CDT1: variants seen among roughly 807,000 people sequenced by gnomAD.
The protein encoded by CDT1 is chromatin licensing and DNA replication factor 1, also known as DNA replication factor Cdt1.
A neutral mutation model predicts 49.3 loss-of-function variants in CDT1; 66 were observed. The ratio of observed to expected loss-of-function variants is 1.34; its 90% CI spans 1.10 to 1.64. The LOEUF (loss-of-function observed/expected upper bound fraction) is 1.64. Ranked by LOEUF, CDT1 falls within the 40% of genes most tolerant of loss-of-function variation. The pLI, the probability that CDT1 is intolerant of heterozygous loss-of-function variation, is 0.00. For synonymous variants in CDT1, 424 were observed against 347.4 expected, an observed-to-expected ratio of 1.22 and a Z score of -2.45; for missense variants, 958 against 807.7, an observed-to-expected ratio of 1.19 and a Z score of -2.26.
Position 88,806,608 on chromosome 16 carries a change from C to G in CDT1, c.1056C>G (p.Pro352=). 1.2e-6 allele frequency: 2 copies of G among 1,611,362 alleles called. No individual in the cohort carries two copies. The highest frequency in any genetic ancestry group is 1.7e-6 in the Non-Finnish European group (2 of 1,179,556). The part of the protein sequence containing the change: ...DIEPAALPQP[P]ATEKLTTAQE... ...AGCCGGCCGCGCTGCCCCAGCCACC[C>G]GCCACGGAGAAGCTCACCACTGCTC... Residue 352 remains proline, a synonymous_variant, in exon 7 of 10, where the codon CCC becomes CCG. Transcript: ENST00000301019.
Position 88,805,648 on chromosome 16 carries a change from G to T in CDT1, c.686+11G>T, listed in dbSNP as rs374891839. On this transcript the variant is annotated intron_variant, in intron 4 of 9. Coordinates refer to ENST00000301019, the MANE Select transcript of CDT1 (RefSeq NM_030928.4). ...GGACATGATGCGTAGGTGAGTGGCC[G>T]GGGGTGGGCTGTGGCTGTCCTGGAG... 2 of 1,612,554 alleles carry T rather than the reference G, an allele frequency of 1.2e-6. No individual in the cohort carries two copies. Among genetic ancestry groups the T allele is most frequent in the South Asian group, 2.2e-5 (2 of 91,074 alleles).
chr16:88,804,755 C>T lies in CDT1; in HGVS notation c.352-7C>T, dbSNP rs760605287. The T allele has an allele frequency of 1.2e-6, 2 of 1,612,860 alleles. No homozygotes were observed. Among genetic ancestry groups the T allele is most frequent in the South Asian group, 1.1e-5 (1 of 91,088 alleles). On this transcript the variant is annotated splice_region_variant and splice_polypyrimidine_tract_variant and intron_variant, in intron 2 of 9. Transcript: ENST00000301019. ...TGACGGCACCGTGTCCCCTGATCCCCCTGAAGGACACCATCTCTGAGCTTG... is the reference window on the plus strand; with the variant it reads ...TGACGGCACCGTGTCCCCTGATCCCTCTGAAGGACACCATCTCTGAGCTTG...
chr16:88,806,290 T>C lies in CDT1; in HGVS notation c.933+169T>C, dbSNP rs116411825. On this transcript the variant is annotated intron_variant, in intron 6 of 9. Transcript: ENST00000301019. ...GTGCTCAGGGTGCAGCCGCAGGCAC[T>C]GAGGAGGTCCCCAAGGCGTTCAGCG... 1,407 of 963,738 alleles carry C rather than the reference T, an allele frequency of 1.5e-3. 13 individuals carry two copies. In the African/African-American group the frequency reaches 0.02, roughly 14 times the overall value. 59.7% of individuals were successfully genotyped at this position (963,738 alleles called of 1,614,324 possible). A position where few individuals can be genotyped will look rare whatever the true frequency, so the allele number is the denominator to read the frequency against.
At chr16:88,805,037 C>T in intron 3 of CDT1, 139 bp downstream of exon 3, 1 of 1,218,062 alleles carries the variant, frequency 8.2e-7, no homozygotes, top group South Asian at 1.6e-5. Flanking sequence ...CGGACCCAGA[C>T]CCCTGAGAAA....
chr16:88,805,831 C>G lies in CDT1; in HGVS notation c.794C>G (p.Ser265Ter). ...ACCTTCAAGGATGGCACCAGGAGGT[C>G]AGATTACCAGCTCACCATCGAGCCA... is the stretch of plus-strand genomic sequence containing the variant. ...VPTFKDGTRR[S>*]DYQLTIEPLL... is the part of the protein sequence containing the mutation. Residue 265 changes from serine to a stop codon, truncating the protein, a stop_gained, in exon 5 of 10, where the codon TCA becomes TGA. Transcript: ENST00000301019. LOFTEE classifies it high-confidence loss of function. 6.2e-7 allele frequency: 1 copy of G among 1,613,080 alleles called. No individual in the cohort carries two copies. Among genetic ancestry groups the G allele is most frequent in the Non-Finnish European group, 8.5e-7 (1 of 1,179,980 alleles).
rs765712837 is a variant in CDT1, at chr16:88,803,796, C to G, written c.-36C>G. 1.6e-5 allele frequency: 23 copies of G among 1,481,992 alleles called. No homozygotes were observed. The South Asian group carries it at 2.4e-4, about 16-fold the overall frequency. The allele number at this position is 1,481,992 out of a possible 1,614,324, so 91.8% of individuals were successfully genotyped here. A position where few individuals can be genotyped will look rare whatever the true frequency, so the allele number is the denominator to read the frequency against. On this transcript the variant is annotated 5_prime_UTR_variant, in exon 1 of 10. Transcript: ENST00000301019. ...AACCGCGCCCGCCTCTTCCTCCCTT[C>G]CTTCTTTCCTTGCTTTCGCCGCGCA...
rs147045046 is a variant in CDT1, at chr16:88,805,842, C to T, written c.805C>T (p.Leu269Phe). ...TGGCACCAGGAGGTCAGATTACCAG[C>T]TCACCATCGAGCCACTGCTGGAGCA... ...KDGTRRSDYQ[L>F]TIEPLLEQEA... Residue 269 changes from leucine to phenylalanine, a missense_variant, in exon 5 of 10, where the codon CTC (leucine) becomes TTC (phenylalanine). Coordinates refer to ENST00000301019, the MANE Select transcript of CDT1 (RefSeq NM_030928.4). 8 of 1,612,872 alleles carry T rather than the reference C, an allele frequency of 5.0e-6. No homozygotes were observed. Among genetic ancestry groups the T allele is most frequent in the African/African-American group, 4.0e-5 (3 of 74,938 alleles).
At chr16:88,805,003 G>T in intron 3 of CDT1, 105 bp downstream of exon 3, 3 of 1,446,944 alleles carry the variant, frequency 2.1e-6, no homozygotes, top group Non-Finnish European at 2.8e-6. Context: ...TTCCAGGGAG[G>T]GTGGTGGTGA....
At chr16:88,807,634 C>T (rs1374913161) in intron 9 of CDT1, 152 bp downstream of exon 9, 15 of 815,556 alleles carry the variant, frequency 1.8e-5, no homozygotes, top group South Asian at 5.1e-5. Context: ...GTGTCCTGGG[C>T]GCTCTGCCCT....
chr16:88,808,478 G>A lies in CDT1; in HGVS notation c.*200G>A. On this transcript the variant is annotated 3_prime_UTR_variant, in exon 10 of 10. Coordinates refer to ENST00000301019, the MANE Select transcript of CDT1 (RefSeq NM_030928.4). ...GTGGGCCCCTTCATGGGGCTCACCT[G>A]GTGGATTCACATTAAACCGGTTTCT... 1 of 621,166 alleles carries A rather than the reference G, an allele frequency of 1.6e-6. No individual in the cohort carries two copies. The allele number at this position is 621,166 out of a possible 1,614,324, so 38.5% of individuals were successfully genotyped here.
In CDT1 at chr16:88,807,285, G is replaced by A. The variant is rs769020559; in HGVS notation, c.1280G>A (p.Arg427Gln). 1.2e-5 allele frequency: 19 copies of A among 1,611,962 alleles called. No individual in the cohort carries two copies. Among genetic ancestry groups the A allele is most frequent in the African/African-American group, 4.0e-5 (3 of 75,040 alleles). ...GVSQDLLERIRAKEAQKQLAQ... is the reference protein window; with the variant it reads ...GVSQDLLERIQAKEAQKQLAQ... ...AGGTCCCGGTACCTGCTGCAGATCC[G>A]AGCCAAGGAGGCACAGAAGCAGCTG... Residue 427 changes from arginine to glutamine, a missense_variant, in exon 9 of 10, where the codon CGA becomes CAA. By Grantham distance (43) the Arg-to-Gln change is conservative. Transcript: ENST00000301019.
rs943760578 is a variant in CDT1 at position 88,807,056 on chromosome 16, G to A, written c.1128G>A (p.Glu376=). ...CCAACCTGTCCCTCCCGCAGATGGAGAAGGCCTTGAGTCAATTGGCCCTGC... is the reference window on the plus strand; with the variant it reads ...CCAACCTGTCCCTCCCGCAGATGGAAAAGGCCTTGAGTCAATTGGCCCTGC... The part of the protein sequence containing the change: ...RARNLISPRM[E]KALSQLALRS... Residue 376 remains glutamate, a synonymous_variant, in exon 8 of 10, where the codon GAG becomes GAA. Coordinates refer to ENST00000301019, the MANE Select transcript of CDT1 (RefSeq NM_030928.4). 2 of 1,612,902 alleles carry A rather than the reference G, an allele frequency of 1.2e-6. No homozygotes were observed. Among genetic ancestry groups the A allele is most frequent in the African/African-American group, 1.3e-5 (1 of 75,056 alleles).
chr16:88,805,570 C>T lies in CDT1; in HGVS notation c.619C>T (p.Leu207Phe), dbSNP rs758197391. The change falls in exon 4 of 10, where the codon CTC becomes TTC. Residue 207 changes from leucine (L) to phenylalanine (F), a missense_variant. Leu to Phe is a conservative substitution (Grantham distance 22). Coordinates refer to ENST00000301019, the MANE Select transcript of CDT1 (RefSeq NM_030928.4). ...CAGCATGGACACCATCGTGGGCATG[C>T]TCCACAACCGCTCCGAGACGCCCAC... The part of the protein sequence containing the change: ...FRSMDTIVGM[L>F]HNRSETPTFA... 1 of 1,612,912 alleles carries T rather than the reference C, an allele frequency of 6.2e-7. No individual in the cohort carries two copies. Among genetic ancestry groups the T allele is most frequent in the Non-Finnish European group, 8.5e-7 (1 of 1,179,982 alleles).
intron 6 of CDT1, 143 bp downstream of exon 6, chr16:88,806,264 T>G (rs935937949): frequency 9.9e-7 from 1 of 1,012,926 alleles, no homozygotes; most frequent in Non-Finnish European, 1.5e-6. Context: ...TGAGGGCTGG[T>G]GTGCTCAGGG....
Position 88,803,983 on chromosome 16 carries a change from C to G in CDT1, c.152C>G (p.Ala51Gly). The G allele has an allele frequency of 7.0e-7, 1 of 1,430,866 alleles. No homozygotes were observed. The highest frequency in any genetic ancestry group is 1.4e-5 in the South Asian group (1 of 72,464). 88.6% of individuals were successfully genotyped at this position (1,430,866 alleles called of 1,614,324 possible). A position where few individuals can be genotyped will look rare whatever the true frequency, so the allele number is the denominator to read the frequency against. ...GCTACCAGTGGCAGCCGCAAGCGCGCCCGCCCGCCCGCCGCCCCCGGACGC... is the reference window on the plus strand; with the variant it reads ...GCTACCAGTGGCAGCCGCAAGCGCGGCCGCCCGCCCGCCGCCCCCGGACGC... The part of the protein sequence containing the change: ...ASATSGSRKR[A>G]RPPAAPGRDQ... The change falls in exon 1 of 10, where the codon GCC (alanine) becomes GGC (glycine). Residue 51 changes from alanine (A) to glycine (G), a missense_variant. Ala to Gly is a moderately conservative substitution (Grantham distance 60). Transcript: ENST00000301019.
At position 88,806,560 on chromosome 16, in the gene CDT1, C is replaced by T. The variant is rs778195622; in HGVS notation, c.1008C>T (p.Asn336=). The part of the protein sequence containing the change: ...DQLTRWHPRF[N]VDEVPDIEPA... ...TGACCCGCTGGCACCCGCGCTTCAA[C>T]GTGGATGAAGTACCCGACATCGAGC... Residue 336 remains asparagine, a synonymous_variant, in exon 7 of 10, where the codon AAC becomes AAT. Coordinates refer to ENST00000301019, the MANE Select transcript of CDT1 (RefSeq NM_030928.4). The T allele has an allele frequency of 1.2e-5, 20 of 1,609,742 alleles. No homozygotes were observed. In the South Asian group the frequency reaches 1.5e-4, roughly 12 times the overall value.
At chr16:88,805,376 C>A in intron 3 of CDT1, 64 bp from the exon 4 acceptor site, 1 of 1,587,152 alleles carries the variant, frequency 6.3e-7, no homozygotes, top group South Asian at 1.1e-5. Context: ...GGCCGAGGGG[C>A]CTGCTGTGGC....
chr16:88,806,218 C>T, intron 6 of CDT1, 97 bp downstream of exon 6: 1 of 1,209,128 alleles, frequency 8.3e-7, no homozygotes, highest in Non-Finnish European at 1.2e-6. Flanking sequence ...CTCACAGCTT[C>T]TCCCGGGATG....
rs770948374 is a variant in CDT1, at chr16:88,807,364, G to A, written c.1359G>A (p.Arg453=). The A allele has an allele frequency of 4.3e-6, 7 of 1,612,482 alleles. No homozygotes were observed. In the Admixed American group the frequency reaches 6.7e-5, roughly 15 times the overall value. ...EQEQRLQRLE[R]LPELARVLRS... is the part of the protein sequence containing the mutation. ...AGCAGCGGCTGCAGCGCTTAGAACGGCTGCCTGAGCTGGCCCGCGTGCTGC... is the reference window on the plus strand; with the variant it reads ...AGCAGCGGCTGCAGCGCTTAGAACGACTGCCTGAGCTGGCCCGCGTGCTGC... Residue 453 remains arginine, a synonymous_variant, in exon 9 of 10, where the codon CGG becomes CGA. Transcript: ENST00000301019.
Sources: gnomAD v4.1 joint callset for allele counts on GRCh38, gnomAD v4.1.1 for gene constraint, MANE v1.5 for transcripts, NCBI Gene and HGNC (gene_info 2026-07-23, HGNC 2026-07-21) for gene names.